The following CFAP107 variants were observed in gnomAD, a reference collection of about 807,000 sequenced individuals.
CFAP107 encodes cilia and flagella associated protein 107, also known as cilia- and flagella-associated protein 107.
the CFAP107 span, among the ~76,000 whole-genome samples, chr1:12,748,065 G>A: frequency 8.5e-5 from 13 of 152,290 alleles, no homozygotes; most frequent in African/African-American, 3.1e-4. Flanking sequence ...GTTTTTACTT[G>A]TCCTCTCCTA....
At chr1:12,748,487 A>G in the CFAP107 span, among the ~76,000 whole-genome samples, 1 of 151,428 alleles carries the variant, frequency 6.6e-6, no homozygotes, top group Non-Finnish European at 1.5e-5. Context: ...AAAACCACAC[A>G]CAGGTCCAGG....
chr1:12,754,225 A>G, the CFAP107 span, among the ~76,000 whole-genome samples: 4 of 152,244 alleles, frequency 2.6e-5, no homozygotes, highest in African/African-American at 9.6e-5. Flanking sequence ...GGAGCTGAAT[A>G]GGTATTTCTC....
the CFAP107 span, among the ~76,000 whole-genome samples, chr1:12,756,333 C>A: frequency 6.6e-6 from 1 of 152,204 alleles, no homozygotes; most frequent in South Asian, 2.1e-4. Context: ...AACATGCCCT[C>A]CACACCCAAG....
the CFAP107 span, among the ~76,000 whole-genome samples, chr1:12,756,177 A>T: frequency 1.3e-5 from 2 of 152,216 alleles, no homozygotes; most frequent in Non-Finnish European, 2.9e-5. Context: ...TTGGACAAAC[A>T]GTGTTGTGTA....
chr1:12,746,329 C>G, the CFAP107 span: 8 of 853,246 alleles, frequency 9.4e-6, no homozygotes, highest in Non-Finnish European at 1.3e-5. Context: ...GCTGGGAAGA[C>G]AAAATAGGCA....
At chr1:12,748,372 A>G in the CFAP107 span, among the ~76,000 whole-genome samples, 3 of 152,148 alleles carry the variant, frequency 2.0e-5, no homozygotes, top group Admixed American at 2.0e-4. Context: ...GAGGAATACA[A>G]TAGAACATCT....
chr1:12,753,493 A>G, the CFAP107 span: 97 of 152,312 alleles, frequency 6.4e-4, 1 homozygote, highest in African/African-American at 2.2e-3. Flanking sequence ...AGTAATCAAG[A>G]CAGTGTGATA....
chr1:12,755,696 C>G, the CFAP107 span: 1,489 of 1,597,456 alleles, frequency 9.3e-4, 16 homozygotes, highest in African/African-American at 0.018. Flanking sequence ...TTGGTCTTTT[C>G]CAGTTCACCA....
the CFAP107 span, chr1:12,746,336 G>A: frequency 1.1e-6 from 1 of 894,932 alleles, no homozygotes; most frequent in South Asian, 1.5e-5. Flanking sequence ...AGACAAAATA[G>A]GCACCCCAAA....
chr1:12,756,396 AG>A, the CFAP107 span, among the ~76,000 whole-genome samples: 1 of 152,232 alleles, frequency 6.6e-6, no homozygotes, highest in Non-Finnish European at 1.5e-5. Context: ...GTGAGTATGT[AG>A]GAGACAATTA....
At chr1:12,762,277 C>G in the CFAP107 span, 1 of 151,558 alleles carries the variant, frequency 6.6e-6, no homozygotes, top group Non-Finnish European at 1.5e-5. Flanking sequence ...GCTAAGTCCT[C>G]TATGTTTGTT....
chr1:12,747,933 A>T, the CFAP107 span, among the ~76,000 whole-genome samples: 1 of 152,224 alleles, frequency 6.6e-6, no homozygotes, highest in Non-Finnish European at 1.5e-5. Flanking sequence ...CCATGGAAAC[A>T]TTAAAGAAAA....
At chr1:12,759,292 C>T in the CFAP107 span, 3 of 1,611,644 alleles carry the variant, frequency 1.9e-6, 1 homozygote, top group South Asian at 3.3e-5. Context: ...AACGAGCCCA[C>T]TGTGTCTGTC....
chr1:12,747,612 T>C, the CFAP107 span, among the ~76,000 whole-genome samples: 5 of 152,150 alleles, frequency 3.3e-5, no homozygotes, highest in Non-Finnish European at 1.5e-5. Context: ...AGCTTTGGTA[T>C]GGGGAAAAGA....
the CFAP107 span, among the ~76,000 whole-genome samples, chr1:12,756,904 G>A: frequency 1.2e-3 from 186 of 152,204 alleles, 2 homozygotes; most frequent in African/African-American, 4.2e-3. Context: ...TGCCAGAGTC[G>A]CCTATTTGCA....
the CFAP107 span, chr1:12,759,676 G>A: frequency 7.1e-6 from 5 of 701,914 alleles, no homozygotes; most frequent in Non-Finnish European, 1.2e-5. Context: ...CCTTTGACCT[G>A]GGGTAATCTT....
the CFAP107 span, chr1:12,759,580 C>T: frequency 1.4e-6 from 2 of 1,435,588 alleles, no homozygotes; most frequent in South Asian, 1.2e-5. Flanking sequence ...AGGAGCCACA[C>T]AGGTGACCCT....
At chr1:12,751,417 A>T in the CFAP107 span, among the ~76,000 whole-genome samples, 3 of 152,196 alleles carry the variant, frequency 2.0e-5, no homozygotes, top group Non-Finnish European at 2.9e-5. Context: ...ATCTGAGGTC[A>T]GGAGTTTGAG....
chr1:12,760,859 T>C, the CFAP107 span: 1 of 1,614,058 alleles, frequency 6.2e-7, no homozygotes, highest in Non-Finnish European at 8.5e-7. Flanking sequence ...TTATACTTCA[T>C]CCTACCCCAG....
Sources: gnomAD v4.1 joint callset for allele counts (sites outside exome capture counted in the v4.1 genomes callset) on GRCh38, gnomAD v4.1.1 for gene constraint, MANE v1.5 for transcripts, NCBI Gene and HGNC (gene_info 2026-07-23, HGNC 2026-07-21) for gene names.